The following FSTL5 variants were observed in gnomAD, a reference collection of about 807,000 sequenced individuals.
The protein encoded by FSTL5 is follistatin like 5, also known as follistatin-related protein 5.
In FSTL5, 62 loss-of-function variants were observed where a neutral mutation model predicts 89.1. The ratio of observed to expected loss-of-function variants is 0.70; its 90% CI spans 0.57 to 0.86. The LOEUF (loss-of-function observed/expected upper bound fraction) is 0.86, where lower values mean the gene tolerates loss of function less well. Ranked by LOEUF, FSTL5 falls within the 40% of genes least tolerant of loss-of-function variation. The pLI, the probability that FSTL5 is intolerant of heterozygous loss-of-function variation, is 0.00. For synonymous variants in FSTL5, 383 were observed against 346.2 expected (o/e 1.11, Z -1.18); for missense variants, 1,057 against 1,001.6 (o/e 1.06, Z -0.75).
intron 15 of FSTL5, among the ~76,000 whole-genome samples, chr4:161,412,136 G>T (rs1210397116): frequency 6.6e-6 from 1 of 151,984 alleles, no homozygotes; most frequent in African/African-American, 2.4e-5. Context: ...TAAACAAGGA[G>T]GGTGAAAGAC....
At chr4:161,497,720 GCAA>G (rs1446799638) in intron 12 of FSTL5, among the ~76,000 whole-genome samples, 2 of 151,832 alleles carry the variant, frequency 1.3e-5, no homozygotes, top group Admixed American at 1.3e-4. Context: ...TATCTCACAT[GCAA>G]TATGACTGTA....
chr4:161,872,080 C>G (rs1223561370), intron 4 of FSTL5, among the ~76,000 whole-genome samples: 1 of 144,912 alleles, frequency 6.9e-6, no homozygotes, highest in East Asian at 2.0e-4. Flanking sequence ...TGCTCAGTAG[C>G]TGGGACTATA....
intron 6 of FSTL5, among the ~76,000 whole-genome samples, chr4:161,672,881 T>G (rs911594238): frequency 6.6e-6 from 1 of 152,060 alleles, no homozygotes; most frequent in Non-Finnish European, 1.5e-5. Flanking sequence ...AATAGACTTT[T>G]AATTACTCTA....
chr4:161,951,959 T>G (rs919309854), intron 3 of FSTL5, among the ~76,000 whole-genome samples: 2 of 152,062 alleles, frequency 1.3e-5, no homozygotes, highest in Non-Finnish European at 2.9e-5. Flanking sequence ...TATAAACAAA[T>G]TCATTGATTC....
At chr4:161,930,138 T>C (rs1033711490) in intron 3 of FSTL5, among the ~76,000 whole-genome samples, 2 of 151,850 alleles carry the variant, frequency 1.3e-5, no homozygotes, top group African/African-American at 2.4e-5. Flanking sequence ...ACTGTGTTTG[T>C]AGCATTCTCT....
chr4:161,874,729 A>G (rs1411558254), intron 4 of FSTL5, among the ~76,000 whole-genome samples: 2 of 151,904 alleles, frequency 1.3e-5, no homozygotes, highest in Non-Finnish European at 2.9e-5. Flanking sequence ...TAACCTTTTC[A>G]TTAACTTTTT....
rs540404615 is a variant in FSTL5, at chr4:161,538,088, C to A, written c.1312+78G>T. The A allele has an allele frequency of 1.3e-5, 18 of 1,392,590 alleles. No individual in the cohort carries two copies. The African/African-American group carries it at 2.4e-4, about 19-fold the overall frequency. 86.3% of individuals were successfully genotyped at this position (1,392,590 alleles called of 1,614,324 possible). On this transcript the variant is annotated intron_variant, in intron 10 of 15. Coordinates refer to ENST00000306100, the MANE Select transcript of FSTL5 (RefSeq NM_020116.5). ...TTGTGCAATTCACAGTTTTCTGGTG[C>A]CTTTACTTTTTAAAAAAAGCTGTAA...
chr4:161,482,182 G>C (rs1296394412), intron 12 of FSTL5, among the ~76,000 whole-genome samples: 1 of 152,122 alleles, frequency 6.6e-6, no homozygotes, highest in Admixed American at 6.5e-5. Context: ...TGGGCGTGGT[G>C]GTGGGCACCT....
At chr4:161,969,477 G>A (rs975854690) in intron 3 of FSTL5, among the ~76,000 whole-genome samples, 5 of 152,172 alleles carry the variant, frequency 3.3e-5, no homozygotes, top group Admixed American at 2.6e-4. Context: ...AGAAAAGATA[G>A]AGAGATCAAA....
intron 3 of FSTL5, among the ~76,000 whole-genome samples, chr4:162,011,297 T>TA (rs1181999073): frequency 1.3e-5 from 2 of 152,124 alleles, no homozygotes; most frequent in Admixed American, 1.3e-4. Flanking sequence ...CAGAAGATAT[T>TA]ACTTGAATTT....
At chr4:161,400,274 T>C (rs1731140664) in intron 15 of FSTL5, among the ~76,000 whole-genome samples, 1 of 152,086 alleles carries the variant, frequency 6.6e-6, no homozygotes, top group African/African-American at 2.4e-5. Context: ...ATTACTTTTG[T>C]ACTGAGAAAA....
At chr4:161,691,567 A>C (rs1265701839) in intron 6 of FSTL5, among the ~76,000 whole-genome samples, 1 of 152,118 alleles carries the variant, frequency 6.6e-6, no homozygotes, top group East Asian at 1.9e-4. Context: ...GGACATTGAG[A>C]TTTTGATAGG....
intron 2 of FSTL5, among the ~76,000 whole-genome samples, chr4:162,082,158 T>C (rs559733858): frequency 6.6e-6 from 1 of 151,276 alleles, no homozygotes; most frequent in East Asian, 2.0e-4. Flanking sequence ...TTATCAGTGT[T>C]GATCTCTAAT....
intron 6 of FSTL5, among the ~76,000 whole-genome samples, chr4:161,697,868 C>A (rs773760959): frequency 6.6e-6 from 1 of 151,928 alleles, no homozygotes; most frequent in African/African-American, 2.4e-5. Context: ...TTTATTATTG[C>A]CCCCCAACGC....
intron 3 of FSTL5, among the ~76,000 whole-genome samples, chr4:162,011,897 G>C (rs1384324358): frequency 1.3e-5 from 2 of 152,088 alleles, no homozygotes; most frequent in Non-Finnish European, 2.9e-5. Flanking sequence ...CCTAAAACCT[G>C]CTATTTATTA....
At chr4:161,920,327 T>C in intron 4 of FSTL5, 77 bp downstream of exon 4, 4 of 1,418,182 alleles carry the variant, frequency 2.8e-6, no homozygotes, top group Non-Finnish European at 3.9e-6. Context: ...GATATAAAAT[T>C]GCTAGAGTTT....
chr4:161,811,951 A>G (rs548687387), intron 4 of FSTL5, among the ~76,000 whole-genome samples: 17 of 152,164 alleles, frequency 1.1e-4, no homozygotes, highest in Non-Finnish European at 2.1e-4. Flanking sequence ...CTACTACTCA[A>G]AAAATATTTC....
intron 7 of FSTL5, among the ~76,000 whole-genome samples, chr4:161,602,196 G>A (rs372481938): frequency 2.6e-5 from 4 of 150,974 alleles, no homozygotes; most frequent in African/African-American, 4.9e-5. Context: ...AACAAAAAGC[G>A]TGTGCGCACG....
chr4:161,907,408 G>C (rs1444484469), intron 4 of FSTL5, among the ~76,000 whole-genome samples: 1 of 151,956 alleles, frequency 6.6e-6, no homozygotes, highest in Admixed American at 6.6e-5. Flanking sequence ...AAGACATTAT[G>C]GGTTTTCATG....
Sources: gnomAD v4.1 joint callset for allele counts (sites outside exome capture counted in the v4.1 genomes callset) on GRCh38, gnomAD v4.1.1 for gene constraint, MANE v1.5 for transcripts, NCBI Gene and HGNC (gene_info 2026-07-23, HGNC 2026-07-21) for gene names.